The following ASAP1 variants were observed in gnomAD, a reference collection of about 807,000 sequenced individuals.
ASAP1 encodes the protein ArfGAP with SH3 domain, ankyrin repeat and PH domain 1.
ASAP1 carries 43 observed loss-of-function variants against 145.2 expected under a neutral mutation model. That is an observed-to-expected ratio of 0.30 (90% confidence interval 0.23 to 0.38). The LOEUF (loss-of-function observed/expected upper bound fraction) is 0.38, where lower values mean the gene tolerates loss of function less well. ASAP1 is among the 10% of genes least tolerant of loss of function. The probability of loss-of-function intolerance (pLI) is 1.00; values close to 1 mark genes in which losing one functional copy is unlikely to be tolerated. For synonymous variants in ASAP1, 546 were observed against 515.5 expected (o/e 1.06, Z -0.80); for missense variants, 1,018 against 1,355.3 (o/e 0.75, Z 3.91).
intron 3 of ASAP1, among the ~76,000 whole-genome samples, chr8:130,332,875 C>A (rs1325108343): frequency 2.0e-5 from 3 of 151,490 alleles, no homozygotes; most frequent in African/African-American, 7.3e-5. Flanking sequence ...GAAAATATTT[C>A]TATATAAAAA....
At chr8:130,140,372 A>T (rs1186291256) in intron 13 of ASAP1, among the ~76,000 whole-genome samples, 1 of 151,088 alleles carries the variant, frequency 6.6e-6, no homozygotes, top group Non-Finnish European at 1.5e-5. Context: ...TTTTTTTTTA[A>T]AAAAAAACTT....
In ASAP1 at chr8:130,057,865, T is replaced by C. The variant is rs1421409270; in HGVS notation, c.3315+89A>G. The C allele has an allele frequency of 4.5e-6, 7 of 1,546,636 alleles. No homozygotes were observed. In the Admixed American group the frequency reaches 1.2e-4, roughly 27 times the overall value. ...GGTCCTTGTGCTCAAGAGCCCTCTTTTACTGCACTGTCTGTAGGCTCCAAT... is the reference window on the plus strand; with the variant it reads ...GGTCCTTGTGCTCAAGAGCCCTCTTCTACTGCACTGTCTGTAGGCTCCAAT... On this transcript the variant is annotated intron_variant, in intron 29 of 29. Coordinates refer to ENST00000518721, the MANE Select transcript of ASAP1 (RefSeq NM_018482.4).
At chr8:130,361,769 T>C (rs1826720254) in intron 2 of ASAP1, 2 of 1,531,896 alleles carry the variant, frequency 1.3e-6, no homozygotes. Flanking sequence ...CATTCCTGGA[T>C]ATCTGAAAGC....
At chr8:130,340,123 C>T (rs978484912) in intron 3 of ASAP1, among the ~76,000 whole-genome samples, 4 of 152,162 alleles carry the variant, frequency 2.6e-5, no homozygotes, top group African/African-American at 9.7e-5. Flanking sequence ...ACCAACATTT[C>T]GGCACAGTGG....
At chr8:130,414,850 G>A (rs1293533892) in intron 1 of ASAP1, among the ~76,000 whole-genome samples, 4 of 151,412 alleles carry the variant, frequency 2.6e-5, no homozygotes, top group Non-Finnish European at 5.9e-5. Context: ...TTCACCTCCC[G>A]GGTTCAAGCA....
intron 3 of ASAP1, among the ~76,000 whole-genome samples, chr8:130,345,487 T>C (rs949446021): frequency 6.6e-6 from 1 of 152,062 alleles, no homozygotes; most frequent in Non-Finnish European, 1.5e-5. Flanking sequence ...ACCAAGAAAG[T>C]AAATGCTAAC....
intron 3 of ASAP1, among the ~76,000 whole-genome samples, chr8:130,302,112 G>C (rs1822711451): frequency 6.6e-6 from 1 of 152,194 alleles, no homozygotes; most frequent in Non-Finnish European, 1.5e-5. Flanking sequence ...TCTAACATTA[G>C]GTATAATATC....
At chr8:130,219,649 G>C (rs1390062659) in intron 4 of ASAP1, among the ~76,000 whole-genome samples, 2 of 152,276 alleles carry the variant, frequency 1.3e-5, no homozygotes, top group East Asian at 1.9e-4. Flanking sequence ...GTGGGAGTTA[G>C]GGTAAGTAGG....
chr8:130,408,746 G>A (rs1307660251), intron 1 of ASAP1, among the ~76,000 whole-genome samples: 1 of 152,166 alleles, frequency 6.6e-6, no homozygotes, highest in East Asian at 1.9e-4. Flanking sequence ...AAGGAACTGT[G>A]ATTGTCTGAA....
intron 20 of ASAP1, among the ~76,000 whole-genome samples, chr8:130,117,414 A>C (rs1390474965): frequency 6.6e-6 from 1 of 152,184 alleles, no homozygotes; most frequent in East Asian, 1.9e-4. Context: ...GTTTTGAGCC[A>C]CTATGCTATA....
chr8:130,402,736 C>T (rs1040964333), intron 1 of ASAP1, among the ~76,000 whole-genome samples: 2 of 152,100 alleles, frequency 1.3e-5, no homozygotes, highest in Non-Finnish European at 2.9e-5. Context: ...CAATTCATGT[C>T]TACTTTACTT....
At chr8:130,286,192 A>C (rs1371088607) in intron 3 of ASAP1, among the ~76,000 whole-genome samples, 1 of 152,250 alleles carries the variant, frequency 6.6e-6, no homozygotes, top group East Asian at 1.9e-4. Flanking sequence ...AGTAGGTTTT[A>C]GACACCAGGA....
chr8:130,284,454 T>A (rs1821469383), intron 3 of ASAP1, among the ~76,000 whole-genome samples: 1 of 152,044 alleles, frequency 6.6e-6, no homozygotes, highest in Non-Finnish European at 1.5e-5. Context: ...AACTTTTCTC[T>A]AAAGGTGAGG....
At chr8:130,136,753 C>T (rs565853285) in intron 14 of ASAP1, among the ~76,000 whole-genome samples, 198 bp downstream of exon 14, 1 of 152,328 alleles carries the variant, frequency 6.6e-6, no homozygotes, top group East Asian at 1.9e-4. Context: ...TCTGACACTG[C>T]TATGCCTTGT....
At chr8:130,182,821 T>C (rs1434593664) in intron 7 of ASAP1, among the ~76,000 whole-genome samples, 1 of 40,898 alleles carries the variant, frequency 2.4e-5, no homozygotes, top group African/African-American at 9.4e-5. Flanking sequence ...AAATAGAAAC[T>C]ATAAAAAGGC....
intron 13 of ASAP1, among the ~76,000 whole-genome samples, chr8:130,140,072 G>A (rs769856935): frequency 7.6e-5 from 11 of 145,066 alleles, no homozygotes; most frequent in South Asian, 2.2e-4. Flanking sequence ...TCGCTTTGTC[G>A]GCCAGGCTAG....
At chr8:130,250,942 C>G (rs561111691) in intron 3 of ASAP1, among the ~76,000 whole-genome samples, 3 of 152,126 alleles carry the variant, frequency 2.0e-5, no homozygotes, top group Non-Finnish European at 4.4e-5. Context: ...ACTGAATGCA[C>G]GTCAGGCTAT....
At chr8:130,423,969 T>C (rs1829820078) in intron 1 of ASAP1, among the ~76,000 whole-genome samples, 1 of 152,190 alleles carries the variant, frequency 6.6e-6, no homozygotes, top group African/African-American at 2.4e-5. Flanking sequence ...AGGGCGGTGA[T>C]GAAAATGTTC....
chr8:130,069,460 C>T (rs2097437458), intron 27 of ASAP1: 1 of 152,208 alleles, frequency 6.6e-6, no homozygotes, highest in African/African-American at 2.4e-5. Flanking sequence ...TGGTCTCAAA[C>T]TCCTGAGCTC....
Sources: allele counts gnomAD v4.1 joint callset (sites outside exome capture counted in the v4.1 genomes callset), GRCh38; gene constraint gnomAD v4.1.1; transcripts MANE v1.5; gene names NCBI Gene and HGNC (gene_info 2026-07-23, HGNC 2026-07-21).